EPC1: variants seen among roughly 807,000 people sequenced by gnomAD.
EPC1 encodes enhancer of polycomb 1, also known as enhancer of polycomb homolog 1.
EPC1 carries 12 observed loss-of-function variants against 98.4 expected under a neutral mutation model. The ratio of observed to expected loss-of-function variants is 0.12; its 90% confidence interval spans 0.08 to 0.20. The LOEUF (loss-of-function observed/expected upper bound fraction) is 0.20, where lower values mean the gene tolerates loss of function less well. Ranked by LOEUF, EPC1 falls within the 10% of genes least tolerant of loss-of-function variation. EPC1 has a pLI of 1.00. For missense variants in EPC1, 729 were observed against 990.5 expected (o/e 0.74, Z 3.54); for synonymous variants, 357 against 363.9 (o/e 0.98, Z 0.21).
chr10:32,310,900 C>T (rs919433683), intron 1 of EPC1, among the ~76,000 whole-genome samples: 4 of 146,992 alleles, frequency 2.7e-5, no homozygotes, highest in African/African-American at 9.8e-5. Context: ...CACATAATTA[C>T]CTCTTATCTT....
chr10:32,312,468 A>G (rs926954694), intron 1 of EPC1, among the ~76,000 whole-genome samples: 2 of 152,212 alleles, frequency 1.3e-5, no homozygotes, highest in Admixed American at 1.3e-4. Context: ...TAAAGTATAG[A>G]TATATATCTC....
intron 1 of EPC1, among the ~76,000 whole-genome samples, chr10:32,329,922 G>C (rs1837538957): frequency 6.6e-6 from 1 of 152,220 alleles, no homozygotes; most frequent in African/African-American, 2.4e-5. Context: ...CTTGAGCTGA[G>C]ATCTGAAGGA....
chr10:32,352,343 C>T (rs1037848888), intron 1 of EPC1, among the ~76,000 whole-genome samples: 3 of 151,928 alleles, frequency 2.0e-5, no homozygotes, highest in Admixed American at 6.6e-5. Flanking sequence ...CACTGCGCCC[C>T]GCCCAGCTGT....
chr10:32,304,804 A>G (rs1324444555), intron 2 of EPC1, among the ~76,000 whole-genome samples: 1 of 151,886 alleles, frequency 6.6e-6, no homozygotes, highest in Non-Finnish European at 1.5e-5. Flanking sequence ...CTGTAATCCC[A>G]ACTACTCGGG....
At chr10:32,322,801 G>T (rs1837009604) in intron 1 of EPC1, among the ~76,000 whole-genome samples, 1 of 152,090 alleles carries the variant, frequency 6.6e-6, no homozygotes, top group African/African-American at 2.4e-5. Flanking sequence ...TGGAGACAGA[G>T]AATAAAGTGA....
chr10:32,280,548 G>A (rs1836356975), intron 10 of EPC1, among the ~76,000 whole-genome samples: 1 of 152,072 alleles, frequency 6.6e-6, no homozygotes, highest in African/African-American at 2.4e-5. Context: ...AGACCAGCCT[G>A]GCCAAGATGG....
upstream of EPC1, among the ~76,000 whole-genome samples, chr10:32,350,966 C>T (rs75562295): frequency 0.011 from 1,731 of 152,244 alleles, 36 homozygotes; most frequent in African/African-American, 0.039. Context: ...TAGAAACAGC[C>T]TCCCATTCAT....
At chr10:32,273,480 A>C (rs1202267223) in intron 10 of EPC1, among the ~76,000 whole-genome samples, 199 bp from the exon 11 acceptor site, 1 of 152,238 alleles carries the variant, frequency 6.6e-6, no homozygotes, top group Non-Finnish European at 1.5e-5. Context: ...CATGAATTTA[A>C]AGAAAAAAAA....
In EPC1 at chr10:32,284,738, G is replaced by A; in HGVS notation, c.1704C>T (p.Thr568=). ...TAQPGTQTCS[T]STQSKSSSGS... is the part of the protein sequence containing the mutation. ...CACTGCTACTTTTACTTTGCGTAGAGGTACTGCATGTCTGGGTCCCAGGTT... is the reference window on the plus strand; with the variant it reads ...CACTGCTACTTTTACTTTGCGTAGAAGTACTGCATGTCTGGGTCCCAGGTT... Residue 568 remains threonine, a synonymous_variant, in exon 10 of 14, where the codon ACC becomes ACT. Coordinates refer to ENST00000319778, the MANE Select transcript of EPC1 (RefSeq NM_001272004.3). 1.2e-6 allele frequency: 2 copies of A among 1,614,128 alleles called. No homozygotes were observed. Among genetic ancestry groups the A allele is most frequent in the Non-Finnish European group, 1.7e-6 (2 of 1,180,000 alleles).
At chr10:32,369,610 T>C (rs1011079158) in intron 1 of EPC1, among the ~76,000 whole-genome samples, 1 of 152,162 alleles carries the variant, frequency 6.6e-6, no homozygotes, top group Non-Finnish European at 1.5e-5. Flanking sequence ...GTAAGCATAT[T>C]TTAACTCCAG....
At chr10:32,378,428 A>G in intron 1 of EPC1, 1 of 1,388,418 alleles carries the variant, frequency 7.2e-7, no homozygotes, top group Non-Finnish European at 9.9e-7. Flanking sequence ...AACACAATGA[A>G]AATCCTTTTT....
chr10:32,378,598 T>C (rs547517490), exon 1 of EPC1: 82 of 732,006 alleles, frequency 1.1e-4, no homozygotes, highest in Non-Finnish European at 1.7e-4. Flanking sequence ...ATATGGATCT[T>C]CCAACATCTT....
chr10:32,297,935 C>T (rs1397638936), intron 2 of EPC1, among the ~76,000 whole-genome samples: 5 of 151,930 alleles, frequency 3.3e-5, no homozygotes, highest in Admixed American at 2.6e-4. Flanking sequence ...GTAGCTGGGA[C>T]TACAGGCGCC....
At chr10:32,321,475 C>G (rs775412193) in intron 1 of EPC1, among the ~76,000 whole-genome samples, 6 of 151,956 alleles carry the variant, frequency 3.9e-5, no homozygotes, top group African/African-American at 7.3e-5. Context: ...GCCTCTGCCT[C>G]CTAAGTAGCT....
intron 1 of EPC1, among the ~76,000 whole-genome samples, chr10:32,324,297 T>A (rs934136075): frequency 6.6e-6 from 1 of 151,222 alleles, no homozygotes; most frequent in Non-Finnish European, 1.5e-5. Context: ...GGTTCACGCC[T>A]GTAATCCCAG....
chr10:32,334,450 A>G (rs1837830387), intron 1 of EPC1, among the ~76,000 whole-genome samples: 2 of 70,624 alleles, frequency 2.8e-5, no homozygotes, highest in Admixed American at 1.7e-4. Flanking sequence ...TTTTGAATAT[A>G]ACAGCTAAAA....
intron 2 of EPC1, among the ~76,000 whole-genome samples, chr10:32,301,121 C>T (rs183869573): frequency 5.9e-5 from 9 of 152,224 alleles, no homozygotes; most frequent in East Asian, 1.9e-4. Flanking sequence ...TACCTACATG[C>T]CCACCCACTC....
At chr10:32,318,736 A>G (rs1298733816) in intron 1 of EPC1, among the ~76,000 whole-genome samples, 1 of 152,180 alleles carries the variant, frequency 6.6e-6, no homozygotes, top group Non-Finnish European at 1.5e-5. Context: ...AATCAGGCAC[A>G]GATTTCTCAT....
chr10:32,375,455 G>A lies in EPC1; in HGVS notation c.3+3036C>T, dbSNP rs1040255336. On this transcript the variant is annotated intron_variant, in intron 1 of 13. Transcript: ENST00000375110. ...CTAATGAATGCAAGTTAATAAATTA[G>A]GAAATTGTGTTGGTTCATTACATTG... 2.6e-5 allele frequency among the ~76,000 whole-genome samples: 4 copies of A among 151,904 alleles called. No homozygotes were observed. The East Asian group carries it at 7.7e-4, about 29-fold the overall frequency.
Sources: gnomAD v4.1 joint callset for allele counts (sites outside exome capture counted in the v4.1 genomes callset) on GRCh38, gnomAD v4.1.1 for gene constraint, MANE v1.5 for transcripts, NCBI Gene and HGNC (gene_info 2026-07-23, HGNC 2026-07-21) for gene names.